Variants in LRRC3B observed in about 807,000 individuals in gnomAD.
The protein encoded by LRRC3B is leucine rich repeat containing 3B.
A neutral mutation model predicts 12.8 loss-of-function variants in LRRC3B; 2 were observed. The observed-to-expected ratio is 0.16, with a 90% CI of 0.06 to 0.49. The LOEUF (loss-of-function observed/expected upper bound fraction) is 0.49, where lower values mean the gene tolerates loss of function less well. Among genes scored for constraint, LRRC3B ranks in the 20% least tolerant of loss-of-function variants. The probability of loss-of-function intolerance (pLI) is 0.96; values close to 1 mark genes in which losing one functional copy is unlikely to be tolerated. For synonymous variants in LRRC3B, 132 were observed against 122.0 expected (o/e 1.08, Z -0.54); for missense variants, 189 against 319.4 (o/e 0.59, Z 3.11).
chr3:26,640,236 T>C (rs1165759891), intron 1 of LRRC3B, among the ~76,000 whole-genome samples: 1 of 151,980 alleles, frequency 6.6e-6, no homozygotes, highest in Non-Finnish European at 1.5e-5. Flanking sequence ...TTTTTACGAG[T>C]GGTCCTCAAG....
intron 1 of LRRC3B, among the ~76,000 whole-genome samples, chr3:26,690,255 T>G (rs570581505): frequency 1.3e-5 from 2 of 152,344 alleles, no homozygotes; most frequent in East Asian, 3.9e-4. Flanking sequence ...TGCACGTATC[T>G]AAAGAAGGCT....
chr3:26,704,519 T>C (rs574518950), intron 1 of LRRC3B, among the ~76,000 whole-genome samples: 1 of 152,164 alleles, frequency 6.6e-6, no homozygotes, highest in Non-Finnish European at 1.5e-5. Flanking sequence ...TTGCTATTTA[T>C]GTATATTATT....
At chr3:26,630,845 T>G (rs6774481) in intron 1 of LRRC3B, among the ~76,000 whole-genome samples, 1 of 152,160 alleles carries the variant, frequency 6.6e-6, no homozygotes, top group African/African-American at 2.4e-5. Context: ...CATTTCCCAC[T>G]GGGACACTTT....
intron 1 of LRRC3B, among the ~76,000 whole-genome samples, chr3:26,667,867 T>C (rs994825286): frequency 2.0e-5 from 3 of 152,000 alleles, no homozygotes; most frequent in Non-Finnish European, 4.4e-5. Flanking sequence ...AACATATAAA[T>C]ACAGATCATT....
chr3:26,639,293 C>G (rs879366937), intron 1 of LRRC3B, among the ~76,000 whole-genome samples: 2 of 151,884 alleles, frequency 1.3e-5, no homozygotes, highest in Admixed American at 1.3e-4. Flanking sequence ...ATTTTACAGA[C>G]TAAGTCTTTG....
intron 1 of LRRC3B, among the ~76,000 whole-genome samples, chr3:26,699,108 T>TA (rs1700390288): frequency 6.6e-6 from 1 of 152,146 alleles, no homozygotes; most frequent in Non-Finnish European, 1.5e-5. Context: ...ATTAGTAAAA[T>TA]ACCTCAAGTT....
chr3:26,666,255 C>A (rs1699596075), intron 1 of LRRC3B, among the ~76,000 whole-genome samples: 2 of 151,700 alleles, frequency 1.3e-5, no homozygotes, highest in South Asian at 4.2e-4. Flanking sequence ...AAGGTGAAGA[C>A]AAATAGATTA....
intron 1 of LRRC3B, among the ~76,000 whole-genome samples, chr3:26,636,835 TCCCTGCCTCCCTCCCTCCCTC>T (rs1698886633): frequency 2.6e-5 from 1 of 38,740 alleles, no homozygotes; most frequent in African/African-American, 1.1e-4. Context: ...CCTCCCTCCC[TCCCTGCCTCCCTCCCTCCCTC>T]CCTCCCTCCC....
intron 1 of LRRC3B, among the ~76,000 whole-genome samples, chr3:26,625,715 T>C (rs1018869249): frequency 2.6e-5 from 4 of 152,206 alleles, no homozygotes. Context: ...TTCAGGTTGC[T>C]GAACTGTTCT....
intron 1 of LRRC3B, among the ~76,000 whole-genome samples, chr3:26,641,392 A>G (rs1475279404): frequency 6.6e-6 from 1 of 152,128 alleles, no homozygotes; most frequent in African/African-American, 2.4e-5. Flanking sequence ...ATTAGCAGCA[A>G]TGTGTGTTAG....
chr3:26,625,913 G>T (rs934733451), intron 1 of LRRC3B, among the ~76,000 whole-genome samples: 1 of 152,200 alleles, frequency 6.6e-6, no homozygotes, highest in Non-Finnish European at 1.5e-5. Context: ...AAGAATTCAA[G>T]TTATTTGCTT....
rs1053007491 is a variant in LRRC3B at position 26,709,888 on chromosome 3, C to G, written c.216C>G (p.Asp72Glu). 1.2e-6 allele frequency: 2 copies of G among 1,613,888 alleles called. No homozygotes were observed. The highest frequency in any genetic ancestry group is 1.7e-5 in the Admixed American group (1 of 59,996). Reference sequence around the variant, plus strand: ...CTGAAACAGTCTTACTGTATCTGGACTCCAATCAGATCACATCTATTCCCA... The same window carrying G: ...CTGAAACAGTCTTACTGTATCTGGAGTCCAATCAGATCACATCTATTCCCA... Residue 72 changes from aspartate to glutamate, a missense_variant, in exon 2 of 2, where the codon GAC becomes GAG. Physicochemically the swap from Asp to Glu is conservative, Grantham distance 45. Transcript: ENST00000396641.
At chr3:26,627,429 A>G (rs1204597463) in intron 1 of LRRC3B, among the ~76,000 whole-genome samples, 1 of 152,176 alleles carries the variant, frequency 6.6e-6, no homozygotes, top group Non-Finnish European at 1.5e-5. Context: ...GCTGTGGCAC[A>G]CTAGGACCTA....
chr3:26,665,269 G>A (rs1296533780), intron 1 of LRRC3B, among the ~76,000 whole-genome samples: 5 of 152,222 alleles, frequency 3.3e-5, no homozygotes, highest in Admixed American at 1.3e-4. Flanking sequence ...CCAGATCCCA[G>A]TTTGAAAGAC....
intron 1 of LRRC3B, among the ~76,000 whole-genome samples, chr3:26,661,211 T>C (rs1013473221): frequency 3.3e-5 from 5 of 152,184 alleles, no homozygotes. Flanking sequence ...CAAAGTGTTA[T>C]GGCTCCCAAT....
intron 1 of LRRC3B, among the ~76,000 whole-genome samples, chr3:26,667,905 C>A (rs112009656): frequency 0.11 from 16,314 of 151,510 alleles, 1,089 homozygotes; most frequent in South Asian, 0.21. Flanking sequence ...TTACATAAAA[C>A]AAACTTTATT....
chr3:26,708,138 A>G (rs1042156864), intron 1 of LRRC3B, among the ~76,000 whole-genome samples: 3 of 152,180 alleles, frequency 2.0e-5, no homozygotes, highest in African/African-American at 4.8e-5. Context: ...AAGTTTTCAG[A>G]AAGTCATTAG....
intron 1 of LRRC3B, among the ~76,000 whole-genome samples, chr3:26,709,303 T>G (rs912362833): frequency 5.3e-5 from 8 of 152,124 alleles, no homozygotes; most frequent in African/African-American, 1.9e-4. Context: ...CTCAGAAATA[T>G]CTTCATATGT....
chr3:26,685,484 T>TC (rs1575160600), intron 1 of LRRC3B, among the ~76,000 whole-genome samples: 1 of 96,864 alleles, frequency 1.0e-5, no homozygotes, highest in Non-Finnish European at 2.0e-5. Flanking sequence ...GTAGACTCTC[T>TC]CCCTCTCTCT....
Sources: gnomAD v4.1 joint callset for allele counts (sites outside exome capture counted in the v4.1 genomes callset) on GRCh38, gnomAD v4.1.1 for gene constraint, MANE v1.5 for transcripts, NCBI Gene and HGNC (gene_info 2026-07-23, HGNC 2026-07-21) for gene names.